Variants in SGCZ observed in about 807,000 individuals in gnomAD.
SGCZ encodes sarcoglycan zeta.
In SGCZ, 40 loss-of-function variants were observed where a neutral mutation model predicts 41.3. The observed-to-expected ratio is 0.97, with a 90% confidence interval of 0.75 to 1.26. The LOEUF is 1.26. Ranked by LOEUF, SGCZ falls within the 50% of genes most tolerant of loss-of-function variation. The pLI, the probability that SGCZ is intolerant of heterozygous loss-of-function variation, is 0.00. For missense variants in SGCZ, 552 were observed against 369.8 expected (o/e 1.49, Z -4.04); for synonymous variants, 206 against 137.5 (o/e 1.50, Z -3.49).
intron 1 of SGCZ, among the ~76,000 whole-genome samples, chr8:14,769,982 C>CA (rs1276584377): frequency 1.3e-5 from 2 of 151,722 alleles, no homozygotes; most frequent in African/African-American, 4.8e-5. Context: ...CATATACCAC[C>CA]ACTCGTGGTT....
intron 2 of SGCZ, among the ~76,000 whole-genome samples, chr8:14,453,320 A>T (rs11775369): frequency 0.12 from 18,970 of 152,158 alleles, 1,393 homozygotes; most frequent in African/African-American, 0.21. Flanking sequence ...TTTAAAGTCA[A>T]TAATTTCTTT....
At chr8:14,443,797 C>A (rs1286621897) in intron 2 of SGCZ, among the ~76,000 whole-genome samples, 1 of 151,984 alleles carries the variant, frequency 6.6e-6, no homozygotes, top group Non-Finnish European at 1.5e-5. Context: ...CAACAAAAGA[C>A]AAAATTGACA....
At chr8:14,503,254 T>C (rs538045185) in intron 2 of SGCZ, among the ~76,000 whole-genome samples, 6 of 151,554 alleles carry the variant, frequency 4.0e-5, no homozygotes, top group Admixed American at 2.6e-4. Context: ...AATGAGAACA[T>C]ATGGGGACAG....
intron 1 of SGCZ, among the ~76,000 whole-genome samples, chr8:14,676,280 A>C (rs537535096): frequency 2.3e-4 from 35 of 152,236 alleles, no homozygotes; most frequent in Non-Finnish European, 4.1e-4. Flanking sequence ...AAGATCTCTT[A>C]AGGCCAGGAG....
At chr8:14,829,421 A>G (rs921428574) in intron 1 of SGCZ, among the ~76,000 whole-genome samples, 1 of 152,190 alleles carries the variant, frequency 6.6e-6, no homozygotes, top group African/African-American at 2.4e-5. Context: ...TATAAAGTGT[A>G]TATTATTTTC....
chr8:14,376,274 G>A (rs952788648), intron 2 of SGCZ, among the ~76,000 whole-genome samples: 4 of 152,024 alleles, frequency 2.6e-5, no homozygotes, highest in African/African-American at 9.7e-5. Context: ...TCGTGCCACT[G>A]CACTCTAGCC....
rs138407809 is a variant in SGCZ at position 14,831,999 on chromosome 8, G to C, written c.40-277073C>G. On this transcript the variant is annotated intron_variant, in intron 1 of 7. Coordinates refer to ENST00000382080, the MANE Select transcript of SGCZ (RefSeq NM_139167.4). Reference sequence around the variant, plus strand: ...GTGTTATGTTTTATTGAGGCATATAGATAAATAGTAATTGGTAGTTATAAT... The same window carrying C: ...GTGTTATGTTTTATTGAGGCATATACATAAATAGTAATTGGTAGTTATAAT... 8.7e-4 allele frequency among the ~76,000 whole-genome samples: 133 copies of C among 152,130 alleles called. 1 individual carries two copies. The East Asian group carries it at 0.014, about 16-fold the overall frequency.
intron 1 of SGCZ, among the ~76,000 whole-genome samples, chr8:14,791,621 G>A (rs1182774675): frequency 1.3e-5 from 2 of 152,024 alleles, no homozygotes; most frequent in Non-Finnish European, 2.9e-5. Flanking sequence ...ATATAACCAA[G>A]CGTACAGCTC....
intron 1 of SGCZ, among the ~76,000 whole-genome samples, chr8:14,743,680 C>T (rs186094284): frequency 6.6e-6 from 1 of 151,922 alleles, no homozygotes; most frequent in African/African-American, 2.4e-5. Flanking sequence ...TGCTCTCCCC[C>T]GCCCGACACC....
At chr8:14,747,799 A>C (rs1424216717) in intron 1 of SGCZ, among the ~76,000 whole-genome samples, 1 of 145,020 alleles carries the variant, frequency 6.9e-6, no homozygotes, top group South Asian at 2.2e-4. Context: ...TGCAACCTCC[A>C]CCTCCCACGT....
At chr8:15,145,287 A>G (rs1007863755) in intron 1 of SGCZ, among the ~76,000 whole-genome samples, 1 of 152,234 alleles carries the variant, frequency 6.6e-6, no homozygotes, top group Non-Finnish European at 1.5e-5. Flanking sequence ...AAGCGTCACC[A>G]AAACTAAAAT....
chr8:14,424,996 A>C (rs950381040), intron 2 of SGCZ, among the ~76,000 whole-genome samples: 1 of 152,072 alleles, frequency 6.6e-6, no homozygotes, highest in Non-Finnish European at 1.5e-5. Context: ...TATCATTGAA[A>C]TTTTCATGAC....
chr8:14,335,068 G>C (rs758908774), intron 2 of SGCZ, among the ~76,000 whole-genome samples: 15 of 152,222 alleles, frequency 9.9e-5, no homozygotes, highest in Middle Eastern at 6.8e-3. Flanking sequence ...AGATGAGCAA[G>C]TTGACTCTCC....
At chr8:14,158,970 T>A (rs1253204718) in intron 5 of SGCZ, among the ~76,000 whole-genome samples, 1 of 152,188 alleles carries the variant, frequency 6.6e-6, no homozygotes, top group African/African-American at 2.4e-5. Context: ...GGTTTCACCA[T>A]GTTGGCCAGG....
intron 2 of SGCZ, among the ~76,000 whole-genome samples, chr8:14,333,350 A>G (rs948301366): frequency 6.6e-6 from 1 of 152,096 alleles, no homozygotes; most frequent in Non-Finnish European, 1.5e-5. Flanking sequence ...ATAATAAGTA[A>G]TGGATTAATA....
At chr8:15,158,832 T>G (rs1211613818) in intron 1 of SGCZ, among the ~76,000 whole-genome samples, 3 of 152,164 alleles carry the variant, frequency 2.0e-5, no homozygotes. Flanking sequence ...GGGAGAAAGA[T>G]CCTAGAAATA....
chr8:14,209,833 CCTGTATGATTAAGTAA>C (rs1805742089), intron 4 of SGCZ, among the ~76,000 whole-genome samples: 1 of 11,558 alleles, frequency 8.7e-5, no homozygotes, highest in African/African-American at 2.6e-3. Flanking sequence ...AAAAATATAA[CCTGTATGATTAAGTAA>C]AATATAACCT....
chr8:14,480,910 A>C (rs1801517794), intron 2 of SGCZ, among the ~76,000 whole-genome samples: 1 of 152,086 alleles, frequency 6.6e-6, no homozygotes, highest in Non-Finnish European at 1.5e-5. Context: ...AGTTTGAAAA[A>C]AGAATAACAT....
At chr8:14,769,360 G>A (rs1800153319) in intron 1 of SGCZ, among the ~76,000 whole-genome samples, 1 of 152,128 alleles carries the variant, frequency 6.6e-6, no homozygotes, top group African/African-American at 2.4e-5. Context: ...ATAATGGTAA[G>A]CACCACTTAT....
Sources: allele counts gnomAD v4.1 joint callset (sites outside exome capture counted in the v4.1 genomes callset), GRCh38; gene constraint gnomAD v4.1.1; transcripts MANE v1.5; gene names NCBI Gene and HGNC (gene_info 2026-07-23, HGNC 2026-07-21).